Variants in PHACTR3 observed in about 807,000 individuals in gnomAD.
The protein encoded by PHACTR3 is phosphatase and actin regulator 3, also known as protein phosphatase 1, regulatory subunit 123.
Under a neutral mutation model 66.8 loss-of-function variants are expected in PHACTR3, and 16 were observed. That is an observed-to-expected ratio of 0.24 (90% confidence interval 0.16 to 0.36). The LOEUF is 0.36. PHACTR3 is among the 10% of genes least tolerant of loss of function. The pLI, the probability that PHACTR3 is intolerant of heterozygous loss-of-function variation, is 1.00. For missense variants in PHACTR3, 647 were observed against 719.9 expected (o/e 0.90, Z 1.16); for synonymous variants, 323 against 292.1 (o/e 1.11, Z -1.08).
At chr20:59,824,556 G>C (rs2042131190) in intron 8 of PHACTR3, among the ~76,000 whole-genome samples, 1 of 152,224 alleles carries the variant, frequency 6.6e-6, no homozygotes, top group Non-Finnish European at 1.5e-5. Context: ...CTGCAGGGTT[G>C]AACACAGGTC....
chr20:59,839,994 A>G (rs184722647), intron 9 of PHACTR3, among the ~76,000 whole-genome samples: 57 of 152,320 alleles, frequency 3.7e-4, no homozygotes, highest in Non-Finnish European at 7.2e-4. Context: ...TTAGTCTACT[A>G]CAGCTTTTTT....
At chr20:59,669,058 G>C (rs1423970335) in intron 1 of PHACTR3, among the ~76,000 whole-genome samples, 2 of 152,040 alleles carry the variant, frequency 1.3e-5, no homozygotes, top group Non-Finnish European at 2.9e-5. Flanking sequence ...CAAAGCCTAA[G>C]TTTTAGTATA....
chr20:59,685,237 A>G (rs2036819538), intron 1 of PHACTR3, among the ~76,000 whole-genome samples: 1 of 152,128 alleles, frequency 6.6e-6, no homozygotes, highest in South Asian at 2.1e-4. Flanking sequence ...AGTGCATATC[A>G]GATCTTGCCC....
At chr20:59,747,683 G>C in intron 2 of PHACTR3, 75 bp from the exon 3 acceptor site, 1 of 1,524,002 alleles carries the variant, frequency 6.6e-7, no homozygotes, top group Non-Finnish European at 9.0e-7. Context: ...CTTGAGCCTG[G>C]CATTGGCTGT....
rs145171698 is a variant in PHACTR3, at chr20:59,760,371, C to T, written c.541+5007C>T. On this transcript the variant is annotated intron_variant, in intron 4 of 12. Coordinates refer to ENST00000371015, the MANE Select transcript of PHACTR3 (RefSeq NM_080672.5). ...GTGCCCGATATGGTTTGGCTGTGTC[C>T]GCACCCAAATCTCATCTTGAATTGT... 3.3e-3 allele frequency among the ~76,000 whole-genome samples: 499 copies of T among 152,176 alleles called. 13 individuals carry two copies. In the South Asian group the frequency reaches 0.07, roughly 21 times the overall value.
In PHACTR3 at chr20:59,803,024, C is replaced by T. The variant is rs148531693; in HGVS notation, c.1175-3017C>T. On this transcript the variant is annotated intron_variant, in intron 7 of 12. Transcript: ENST00000371015. ...AGCTCTGGATCAGGTCCAATACAGA[C>T]AGCCTTGCAAAAGTGGTGTTTCAGG... Among the ~76,000 whole-genome samples, 10 of 152,304 alleles carry T rather than the reference C, an allele frequency of 6.6e-5. No individual in the cohort carries two copies. In the East Asian group the frequency reaches 1.3e-3, roughly 21 times the overall value.
chr20:59,652,785 T>G (rs1424700463), intron 1 of PHACTR3, among the ~76,000 whole-genome samples: 1 of 151,690 alleles, frequency 6.6e-6, no homozygotes, highest in African/African-American at 2.4e-5. Flanking sequence ...TCATTTAATC[T>G]GGAAACCTGT....
At chr20:59,667,191 T>C (rs1263781982) in intron 1 of PHACTR3, among the ~76,000 whole-genome samples, 1 of 152,126 alleles carries the variant, frequency 6.6e-6, no homozygotes, top group Non-Finnish European at 1.5e-5. Context: ...AATGGTGAGA[T>C]GAGGTGATCG....
chr20:59,697,159 G>A (rs1336516186), intron 1 of PHACTR3, among the ~76,000 whole-genome samples: 1 of 152,170 alleles, frequency 6.6e-6, no homozygotes, highest in African/African-American at 2.4e-5. Flanking sequence ...AGGCTCAGAA[G>A]GCTCAGAAGG....
intron 1 of PHACTR3, among the ~76,000 whole-genome samples, chr20:59,595,425 G>A (rs2033299446): frequency 1.3e-5 from 2 of 152,184 alleles, no homozygotes; most frequent in Admixed American, 6.5e-5. Flanking sequence ...TTGCGCCACT[G>A]CACTCCAGCC....
intron 1 of PHACTR3, among the ~76,000 whole-genome samples, chr20:59,740,801 C>G (rs368261153): frequency 6.6e-6 from 1 of 152,212 alleles, no homozygotes; most frequent in East Asian, 1.9e-4. Flanking sequence ...CCAGGCAGGC[C>G]GCCTGTCACT....
At chr20:59,737,425 G>A (rs2038984086) in intron 1 of PHACTR3, among the ~76,000 whole-genome samples, 1 of 152,192 alleles carries the variant, frequency 6.6e-6, no homozygotes, top group South Asian at 2.1e-4. Context: ...TCAGCTCGGG[G>A]CATGGGCAGG....
Position 59,679,957 on chromosome 20 carries a change from G to A in PHACTR3, c.119-63150G>A, listed in dbSNP as rs191820235. Among the ~76,000 whole-genome samples, 8 of 152,198 alleles carry A rather than the reference G, an allele frequency of 5.3e-5. No homozygotes were observed. The South Asian group carries it at 8.3e-4, about 16-fold the overall frequency. ...CACAGCCAAACTGTATCAGGCACACGCATCGCTTTAGGGAGTTCTCATTTC... is the reference window on the plus strand; with the variant it reads ...CACAGCCAAACTGTATCAGGCACACACATCGCTTTAGGGAGTTCTCATTTC... On this transcript the variant is annotated intron_variant, in intron 1 of 12. Transcript: ENST00000371015.
intron 1 of PHACTR3, among the ~76,000 whole-genome samples, chr20:59,688,208 T>C (rs752956997): frequency 7.9e-5 from 12 of 152,218 alleles, no homozygotes; most frequent in Non-Finnish European, 1.5e-4. Context: ...CCTTAAAACA[T>C]AGTGTACATT....
chr20:59,696,101 T>C (rs1475222162), intron 1 of PHACTR3, among the ~76,000 whole-genome samples: 4 of 152,258 alleles, frequency 2.6e-5, no homozygotes, highest in Admixed American at 2.0e-4. Context: ...ACATCCACTG[T>C]AAGCTTTTCT....
intron 8 of PHACTR3, among the ~76,000 whole-genome samples, chr20:59,813,134 G>C (rs929714451): frequency 6.6e-6 from 1 of 152,196 alleles, no homozygotes; most frequent in African/African-American, 2.4e-5. Context: ...GCCCGCTGAT[G>C]TCTGCAACCC....
intron 1 of PHACTR3, among the ~76,000 whole-genome samples, chr20:59,636,962 G>A (rs900695574): frequency 1.3e-5 from 2 of 152,172 alleles, no homozygotes; most frequent in African/African-American, 2.4e-5. Context: ...GAAAGCCCTC[G>A]ATGGGTACAG....
rs201782505 is a variant in PHACTR3 at position 59,716,206 on chromosome 20, TTGTGTGTGTGTGTGTGTGTGTGTGTG to T, written c.119-26869_119-26844del. ...CCTGCTTTGCTCTTCCCTTCACCCT[TTGTGTGTGTGTGTGTGTGTGTGTGTG>T]TGTGTGTGTGTGTGTGTGTGTGTGT... On this transcript the variant is annotated intron_variant, in intron 1 of 12. Coordinates refer to ENST00000371015, the MANE Select transcript of PHACTR3 (RefSeq NM_080672.5). Among the ~76,000 whole-genome samples, 28 of 128,668 alleles carry T rather than the reference TTGTGTGTGTGTGTGTGTGTGTGTGTG, an allele frequency of 2.2e-4. No individual in the cohort carries two copies. In the East Asian group the frequency reaches 3.9e-3, roughly 18 times the overall value. The allele number at this position is 128,668 out of a possible 152,430, so 84.4% of individuals were successfully genotyped here. A position where few individuals can be genotyped will look rare whatever the true frequency, so the allele number is the denominator to read the frequency against.
In PHACTR3 at chr20:59,829,788, C is replaced by A. The variant is rs533178548; in HGVS notation, c.1329-6717C>A. Among the ~76,000 whole-genome samples the A allele has an allele frequency of 1.3e-5, 2 of 152,378 alleles. No homozygotes were observed. Among genetic ancestry groups the A allele is most frequent in the South Asian group, 4.1e-4 (2 of 4,834 alleles). On this transcript the variant is annotated intron_variant, in intron 8 of 12. Coordinates refer to ENST00000371015, the MANE Select transcript of PHACTR3 (RefSeq NM_080672.5). The surrounding 1 kb of genome is among the most constrained non-coding windows in gnomAD (Gnocchi z 4.2). Reference sequence around the variant, plus strand: ...ATTCTGCCTTGTATGGAAGGAATTGCTTCTCAATTTCTGCTCCACACTGAG... The same window carrying A: ...ATTCTGCCTTGTATGGAAGGAATTGATTCTCAATTTCTGCTCCACACTGAG...
Sources: allele counts gnomAD v4.1 joint callset (sites outside exome capture counted in the v4.1 genomes callset), GRCh38; gene constraint gnomAD v4.1.1; non-coding constraint Gnocchi (gnomAD v3.1); transcripts MANE v1.5; gene names NCBI Gene and HGNC (gene_info 2026-07-23, HGNC 2026-07-21).